IFI44: variants seen among roughly 807,000 people sequenced by gnomAD.
IFI44 encodes interferon induced protein 44.
In IFI44, 42 loss-of-function variants were observed where a neutral mutation model predicts 45.0. The ratio of observed to expected loss-of-function variants is 0.93; its 90% CI spans 0.73 to 1.21. IFI44 has a LOEUF of 1.21. IFI44 is among the 50% of genes most tolerant of loss of function. The pLI is 0.00. For synonymous variants in IFI44, 221 were observed against 188.6 expected (o/e 1.17, Z -1.41); for missense variants, 623 against 525.8 (o/e 1.18, Z -1.81).
intron 5 of IFI44, 106 bp downstream of exon 5, chr1:78,655,617 G>T: frequency 2.9e-6 from 3 of 1,020,894 alleles, no homozygotes; most frequent in Non-Finnish European, 4.1e-6. Flanking sequence ...AAGATCCTTT[G>T]TCTCTTTTAG....
rs534306307 is a variant in IFI44 at position 78,663,607 on chromosome 1, C to T, written c.1289-158C>T. 6.1e-6 allele frequency: 6 copies of T among 985,372 alleles called. No homozygotes were observed. In the African/African-American group the frequency reaches 1.0e-4, roughly 17 times the overall value. 61.0% of individuals were successfully genotyped at this position (985,372 alleles called of 1,614,324 possible). ...CATGTTACTAACTTTGTTGCTCTAA[C>T]TCTGCCATCTTGGTTTCCCCATCCC... On this transcript the variant is annotated intron_variant, in intron 8 of 8. Transcript: ENST00000370747.
Position 78,662,798 on chromosome 1 carries a change from A to T in IFI44, c.1208A>T (p.Asp403Val). The stretch of plus-strand genomic sequence containing the variant: ...GAGTGGGAGCTGGACCCTGTAAAGG[A>T]TGTTCTAATTCTTTCTGCTCTGAGA... ...SSEWELDPVK[D>V]VLILSALRRM... Residue 403 changes from aspartate to valine, a missense_variant, in exon 8 of 9, where the codon GAT becomes GTT. Asp to Val is a radical substitution (Grantham distance 152). Transcript: ENST00000370747. 6.2e-7 allele frequency: 1 copy of T among 1,613,662 alleles called. No individual in the cohort carries two copies. The highest frequency in any genetic ancestry group is 8.5e-7 in the Non-Finnish European group (1 of 1,179,854).
In IFI44 at chr1:78,650,373, A is replaced by T; in HGVS notation, c.178A>T (p.Ile60Phe). The T allele has an allele frequency of 6.2e-7, 1 of 1,614,086 alleles. No homozygotes were observed. The highest frequency in any genetic ancestry group is 8.5e-7 in the Non-Finnish European group (1 of 1,179,972). ...AACAGTGATTTATAGTGAAGATCAT[A>T]TTATTGGAGCATATGCAGAAGAGAG... is the stretch of plus-strand genomic sequence containing the variant. ...TLTVIYSEDH[I>F]IGAYAEESYQ... The change falls in exon 2 of 9, where the codon ATT becomes TTT. Residue 60 changes from isoleucine (I) to phenylalanine (F), a missense_variant. Coordinates refer to ENST00000370747, the MANE Select transcript of IFI44 (RefSeq NM_006417.5).
At chr1:78,662,417 T>G (rs1647513932) in intron 7 of IFI44, among the ~76,000 whole-genome samples, 1 of 152,200 alleles carries the variant, frequency 6.6e-6, no homozygotes, top group Non-Finnish European at 1.5e-5. Context: ...CAGAGAATGT[T>G]TTTTAAAAGA....
rs1053162076 is a variant in IFI44, at chr1:78,662,862, G to T, written c.1272G>T (p.Leu424Phe). The change falls in exon 8 of 9, where the codon TTG becomes TTT. Residue 424 changes from leucine to phenylalanine, a missense_variant. Leu to Phe is a conservative substitution (Grantham distance 22, BLOSUM62 0). Transcript: ENST00000370747. ...CTGCAGATGACTTCTTAGAGGATTTGCCTTTTGAGCAAATAGGTAGATGGT... is the reference window on the plus strand; with the variant it reads ...CTGCAGATGACTTCTTAGAGGATTTTCCTTTTGAGCAAATAGGTAGATGGT... ...LWAADDFLED[L>F]PFEQIGNLRE... 5.6e-6 allele frequency: 9 copies of T among 1,602,646 alleles called. No individual in the cohort carries two copies. In the African/African-American group the frequency reaches 9.9e-5, roughly 18 times the overall value.
chr1:78,652,324 G>C (rs142893613), intron 2 of IFI44, among the ~76,000 whole-genome samples: 9 of 152,176 alleles, frequency 5.9e-5, no homozygotes, highest in African/African-American at 2.2e-4. Flanking sequence ...CTCGTAATCC[G>C]CTTGCCTTGG....
rs1255994974 is a variant in IFI44 at position 78,650,288 on chromosome 1, T to A, written c.93T>A (p.Ser31Arg). The A allele has an allele frequency of 6.2e-7, 1 of 1,614,056 alleles. No individual in the cohort carries two copies. The highest frequency in any genetic ancestry group is 1.7e-5 in the Admixed American group (1 of 60,030). The change falls in exon 2 of 9, where the codon AGT becomes AGA. Residue 31 changes from serine (S) to arginine (R), a missense_variant. Coordinates refer to ENST00000370747, the MANE Select transcript of IFI44 (RefSeq NM_006417.5). ...GKRLSLLYKG[S>R]VHGFRNGVLL... ...GGCTTAGCCTTCTCTATAAGGGTAG[T>A]GTCCATGGATTCCGTAATGGAGTTT...
At position 78,650,321 on chromosome 1, in the gene IFI44, C is replaced by T. The variant is rs1447274898; in HGVS notation, c.126C>T (p.Asp42=). The T allele has an allele frequency of 6.2e-7, 1 of 1,614,004 alleles. No homozygotes were observed. Among genetic ancestry groups the T allele is most frequent in the African/African-American group, 1.3e-5 (1 of 75,014 alleles). ...VHGFRNGVLL[D]RCCNQGPTLT... ...GATTCCGTAATGGAGTTTTGCTTGA[C>T]AGATGTTGTAATCAAGGGCCTACTC... Residue 42 remains aspartate, a synonymous_variant, in exon 2 of 9, where the codon GAC becomes GAT. Transcript: ENST00000370747.
chr1:78,655,664 G>A (rs1004455898), intron 5 of IFI44, among the ~76,000 whole-genome samples, 153 bp downstream of exon 5: 2 of 151,704 alleles, frequency 1.3e-5, no homozygotes, highest in Admixed American at 6.6e-5. Context: ...CATCTCGAGG[G>A]CTCTTCCATC....
intron 7 of IFI44, chr1:78,662,473 T>A: frequency 2.1e-6 from 1 of 466,850 alleles, no homozygotes; most frequent in Non-Finnish European, 3.8e-6. Flanking sequence ...AAAAATTTTG[T>A]TTCTAAATCA....
intron 7 of IFI44, among the ~76,000 whole-genome samples, chr1:78,662,284 A>G (rs1318224389): frequency 3.3e-5 from 5 of 152,202 alleles, no homozygotes; most frequent in African/African-American, 1.2e-4. Flanking sequence ...ACATCTGCCA[A>G]CGTTTATTGA....
intron 5 of IFI44, 22 bp downstream of exon 5, chr1:78,655,533 A>G: frequency 6.4e-7 from 1 of 1,571,778 alleles, no homozygotes. Context: ...CTAATGAGAA[A>G]TTATAACTGA....
chr1:78,655,118 C>T lies in IFI44; in HGVS notation c.599C>T (p.Ser200Phe). The change falls in exon 4 of 9, where the codon TCC becomes TTC. Residue 200 changes from serine (S) to phenylalanine (F), a missense_variant. Ser to Phe is a radical substitution (Grantham distance 155). Transcript: ENST00000370747. ...LLLGPIGAGK[S>F]SFFNSVRSVF... ...CTGGGTCCAATTGGAGCTGGGAAGT[C>T]CAGCTTTTTCAACTCAGTGAGGTCT... 6.2e-7 allele frequency: 1 copy of T among 1,613,904 alleles called. No individual in the cohort carries two copies. Among genetic ancestry groups the T allele is most frequent in the Non-Finnish European group, 8.5e-7 (1 of 1,179,894 alleles).
intron 8 of IFI44, 62 bp from the exon 9 acceptor site, chr1:78,663,703 C>T: frequency 6.3e-7 from 1 of 1,593,526 alleles, no homozygotes; most frequent in African/African-American, 1.4e-5. Context: ...CAATATTCCT[C>T]TTCCCTCTGG....
chr1:78,659,156 A>C (rs1027957059), intron 5 of IFI44, among the ~76,000 whole-genome samples, 156 bp from the exon 6 acceptor site: 4 of 152,146 alleles, frequency 2.6e-5, no homozygotes, highest in African/African-American at 9.7e-5. Flanking sequence ...GCTTACTTGC[A>C]TAATGCCTGT....
intron 5 of IFI44, among the ~76,000 whole-genome samples, chr1:78,657,629 A>C (rs1227122073): frequency 3.9e-5 from 6 of 152,166 alleles, no homozygotes; most frequent in Non-Finnish European, 8.8e-5. Context: ...TATGAAAGGA[A>C]GCTTACCCTC....
rs568457831 is a variant in IFI44, at chr1:78,652,516, A to G, written c.458-1727A>G. ...ACATAAAATTACCAGCGTATTTATT[A>G]GAAAATTAGACTCAGTCAGTTGTCT... On this transcript the variant is annotated intron_variant, in intron 2 of 8. Coordinates refer to ENST00000370747, the MANE Select transcript of IFI44 (RefSeq NM_006417.5). 2.6e-5 allele frequency among the ~76,000 whole-genome samples: 4 copies of G among 152,372 alleles called. No homozygotes were observed. The East Asian group carries it at 7.7e-4, about 29-fold the overall frequency.
At chr1:78,657,306 T>C (rs1647236222) in intron 5 of IFI44, among the ~76,000 whole-genome samples, 1 of 152,116 alleles carries the variant, frequency 6.6e-6, no homozygotes. Flanking sequence ...TTTTTCCTTA[T>C]CATTTGTTTC....
At chr1:78,657,379 G>A (rs964924950) in intron 5 of IFI44, among the ~76,000 whole-genome samples, 1 of 151,840 alleles carries the variant, frequency 6.6e-6, no homozygotes, top group Non-Finnish European at 1.5e-5. Flanking sequence ...TGCATCCCTC[G>A]GGGTAGTTTT....
Sources: gnomAD v4.1 joint callset for allele counts (sites outside exome capture counted in the v4.1 genomes callset) on GRCh38, gnomAD v4.1.1 for gene constraint, MANE v1.5 for transcripts, NCBI Gene and HGNC (gene_info 2026-07-23, HGNC 2026-07-21) for gene names.